Variants in VWA3B observed in about 807,000 individuals in gnomAD.
VWA3B encodes the protein von Willebrand factor A domain containing 3B, also known as von Willebrand factor A domain-containing protein 3B.
A neutral mutation model predicts 158.3 loss-of-function variants in VWA3B; 138 were observed. The observed-to-expected ratio is 0.87, with a 90% CI of 0.76 to 1.00. The LOEUF is 1.00. Ranked by LOEUF, VWA3B falls within the 50% of genes least tolerant of loss-of-function variation. The pLI, the probability that VWA3B is intolerant of heterozygous loss-of-function variation, is 0.00. For missense variants in VWA3B, 1,555 were observed against 1,565.1 expected (o/e 0.99, Z 0.11); for synonymous variants, 596 against 587.3 (o/e 1.01, Z -0.21).
At chr2:98,097,249 G>A (rs751327293) in intron 2 of VWA3B, among the ~76,000 whole-genome samples, 36 of 151,926 alleles carry the variant, frequency 2.4e-4, no homozygotes, top group Admixed American at 3.9e-4. Context: ...ATTCCTCACC[G>A]CATCCTCCCC....
chr2:98,279,872 G>A (rs1688767707), intron 22 of VWA3B, among the ~76,000 whole-genome samples: 1 of 152,202 alleles, frequency 6.6e-6, no homozygotes, highest in Non-Finnish European at 1.5e-5. Flanking sequence ...GGGCAAGGAA[G>A]GGCAGAGAGC....
chr2:98,180,298 A>G (rs1027108148), intron 8 of VWA3B, among the ~76,000 whole-genome samples: 27 of 152,042 alleles, frequency 1.8e-4, no homozygotes, highest in Non-Finnish European at 2.2e-4. Context: ...AGGTTGAAGC[A>G]GTTCTGCCTC....
intron 12 of VWA3B, among the ~76,000 whole-genome samples, chr2:98,198,435 T>G (rs965037322): frequency 6.6e-6 from 1 of 152,204 alleles, no homozygotes; most frequent in Non-Finnish European, 1.5e-5. Context: ...CCCAATCTCT[T>G]TAGCGTGCTT....
intron 7 of VWA3B, among the ~76,000 whole-genome samples, chr2:98,136,866 C>G (rs545402234): frequency 8.7e-4 from 132 of 152,334 alleles, no homozygotes; most frequent in African/African-American, 3.1e-3. Context: ...TTTGACTACT[C>G]TAGGTAGTAT....
chr2:98,119,736 C>G lies in VWA3B; in HGVS notation c.515C>G (p.Ala172Gly). 1 of 1,614,034 alleles carries G rather than the reference C, an allele frequency of 6.2e-7. No homozygotes were observed. Among genetic ancestry groups the G allele is most frequent in the Non-Finnish European group, 8.5e-7 (1 of 1,179,996 alleles). ...ACAATGGTTCTCCAGGAGCAGGTGG[C>G]TCACATAACCGAGTTCAATATCATA... ...ALTMVLQEQV[A>G]HITEFNIIRV... The change falls in exon 4 of 28, where the codon GCT becomes GGT. Residue 172 changes from alanine (A) to glycine (G), a missense_variant. Physicochemically the swap from Ala to Gly is moderately conservative, Grantham distance 60 (BLOSUM62 0). Coordinates refer to ENST00000477737, the MANE Select transcript of VWA3B (RefSeq NM_144992.5).
At chr2:98,148,394 C>T (rs1677344966) in intron 7 of VWA3B, among the ~76,000 whole-genome samples, 1 of 152,026 alleles carries the variant, frequency 6.6e-6, no homozygotes, top group Non-Finnish European at 1.5e-5. Context: ...TGTCTATTAC[C>T]CTTTTACTTG....
chr2:98,273,763 C>T (rs866444142), intron 22 of VWA3B, among the ~76,000 whole-genome samples: 3 of 152,168 alleles, frequency 2.0e-5, no homozygotes, highest in African/African-American at 4.8e-5. Flanking sequence ...TGGCCAGTCC[C>T]AGGTGTTGAG....
intron 8 of VWA3B, among the ~76,000 whole-genome samples, chr2:98,166,058 CA>C (rs1238011335): frequency 6.6e-6 from 1 of 152,042 alleles, no homozygotes; most frequent in Non-Finnish European, 1.5e-5. Flanking sequence ...ATTAAGGGAC[CA>C]GGTATGGTGG....
intron 20 of VWA3B, among the ~76,000 whole-genome samples, chr2:98,252,155 C>T (rs573248882): frequency 6.6e-6 from 1 of 152,186 alleles, no homozygotes; most frequent in Non-Finnish European, 1.5e-5. Flanking sequence ...TTCGTGTGGC[C>T]CTCAGAGCAC....
At chr2:98,142,824 G>A (rs1212193212) in intron 7 of VWA3B, among the ~76,000 whole-genome samples, 1 of 152,110 alleles carries the variant, frequency 6.6e-6, no homozygotes, top group East Asian at 1.9e-4. Flanking sequence ...CTTGAGTGAG[G>A]CATGCAGCTC....
chr2:98,214,715 T>C (rs1683828801), intron 13 of VWA3B, among the ~76,000 whole-genome samples: 2 of 152,220 alleles, frequency 1.3e-5, no homozygotes, highest in Non-Finnish European at 2.9e-5. Flanking sequence ...CCTCATTCTC[T>C]TCTAGGTTCC....
At chr2:98,195,684 A>T (rs1681982671) in intron 12 of VWA3B, among the ~76,000 whole-genome samples, 1 of 152,124 alleles carries the variant, frequency 6.6e-6, no homozygotes, top group Admixed American at 6.5e-5. Flanking sequence ...TTATATATAT[A>T]ATCTCATTGC....
intron 1 of VWA3B, among the ~76,000 whole-genome samples, chr2:98,088,645 G>A (rs1192414885): frequency 3.3e-5 from 5 of 152,108 alleles, no homozygotes; most frequent in African/African-American, 4.8e-5. Flanking sequence ...TGTTGTTTCC[G>A]ACTTCTGGGT....
At chr2:98,219,028 T>C (rs1287000636) in intron 14 of VWA3B, among the ~76,000 whole-genome samples, 2 of 152,202 alleles carry the variant, frequency 1.3e-5, no homozygotes, top group Admixed American at 6.5e-5. Flanking sequence ...TGTTTCCAAC[T>C]AACTTAACTG....
chr2:98,280,362 G>A (rs75066938), intron 22 of VWA3B, among the ~76,000 whole-genome samples: 14 of 150,896 alleles, frequency 9.3e-5, no homozygotes, highest in African/African-American at 1.5e-4. Flanking sequence ...GAGAGAGAGA[G>A]AAAAAAAACA....
chr2:98,283,106 T>C (rs899257322), intron 22 of VWA3B, among the ~76,000 whole-genome samples: 4 of 152,222 alleles, frequency 2.6e-5, no homozygotes, highest in African/African-American at 7.2e-5. Flanking sequence ...GGCTAAGAAA[T>C]TGAGAGAATC....
At position 98,192,993 on chromosome 2, in the gene VWA3B, G is replaced by A. The variant is rs762597652; in HGVS notation, c.1562G>A (p.Ser521Asn). The A allele has an allele frequency of 6.8e-6, 11 of 1,614,036 alleles. No individual in the cohort carries two copies. The African/African-American group carries it at 1.5e-4, about 22-fold the overall frequency. Residue 521 changes from serine to asparagine, a missense_variant, in exon 11 of 28, where the codon AGC (serine) becomes AAC (asparagine). By Grantham distance (46) the Ser-to-Asn change is conservative. Transcript: ENST00000477737. ...ILIDTSHSMKSKLDLVKDKII... is the reference protein window; with the variant it reads ...ILIDTSHSMKNKLDLVKDKII... ...ATTGACACGTCTCACTCAATGAAGA[G>A]CAAACTGGACTTGGTGAAGGACAAG...
At chr2:98,182,428 C>A (rs934731884) in intron 9 of VWA3B, among the ~76,000 whole-genome samples, 1 of 152,158 alleles carries the variant, frequency 6.6e-6, no homozygotes, top group Admixed American at 6.5e-5. Flanking sequence ...TGACAAACTG[C>A]AAGGAAGAAA....
chr2:98,167,058 G>A (rs533633146), intron 8 of VWA3B, among the ~76,000 whole-genome samples: 18 of 152,166 alleles, frequency 1.2e-4, no homozygotes, highest in African/African-American at 4.1e-4. Context: ...GGCTTGGAAG[G>A]CCTCCTAGGA....
Sources: allele counts gnomAD v4.1 joint callset (sites outside exome capture counted in the v4.1 genomes callset), GRCh38; gene constraint gnomAD v4.1.1; transcripts MANE v1.5; gene names NCBI Gene and HGNC (gene_info 2026-07-23, HGNC 2026-07-21).